Variants in ERAP1 observed in about 807,000 individuals in gnomAD.
ERAP1 encodes the protein adipocyte-derived leucine aminopeptidase.
A neutral mutation model predicts 103.7 loss-of-function variants in ERAP1; 86 were observed. The observed-to-expected ratio is 0.83, with a 90% CI of 0.70 to 0.99. The LOEUF (loss-of-function observed/expected upper bound fraction) is 0.99. Among genes scored for constraint, ERAP1 ranks in the 50% least tolerant of loss-of-function variants. ERAP1 has a pLI of 0.00. For missense variants in ERAP1, 1,009 were observed against 1,128.4 expected (o/e 0.89, Z 1.52); for synonymous variants, 398 against 402.4 (o/e 0.99, Z 0.13).
At chr5:96,819,379 T>G in the ERAP1 span, among the ~76,000 whole-genome samples, 1 of 152,174 alleles carries the variant, frequency 6.6e-6, no homozygotes, top group Admixed American at 6.5e-5. Context: ...CAGACAATCA[T>G]CAGCGGTGTA....
At chr5:96,835,014 G>A in the ERAP1 span, among the ~76,000 whole-genome samples, 24 of 152,080 alleles carry the variant, frequency 1.6e-4, no homozygotes, top group African/African-American at 5.3e-4. Context: ...CCAGGATGAG[G>A]GCCTTTAGTA....
the ERAP1 span, chr5:96,892,242 A>T: frequency 1.3e-6 from 2 of 1,578,550 alleles, no homozygotes; most frequent in Non-Finnish European, 1.7e-6. Context: ...CAGAGAGCAA[A>T]TTCTATTTCT....
At chr5:96,796,446 C>T (rs1777352569) in intron 4 of ERAP1, among the ~76,000 whole-genome samples, 1 of 152,214 alleles carries the variant, frequency 6.6e-6, no homozygotes, top group African/African-American at 2.4e-5. Context: ...ATCTTCCTTA[C>T]CATAGCCAGA....
At chr5:96,782,007 AAT>A (rs1491507597) in intron 15 of ERAP1, among the ~76,000 whole-genome samples, 153 bp from the exon 16 acceptor site, 13 of 118,696 alleles carry the variant, frequency 1.1e-4, no homozygotes, top group Admixed American at 2.7e-4. Flanking sequence ...CTTCAGTTAC[AAT>A]TTTTTTTTTT....
At chr5:96,866,603 C>T in the ERAP1 span, among the ~76,000 whole-genome samples, 49 of 152,272 alleles carry the variant, frequency 3.2e-4, no homozygotes, top group African/African-American at 1.2e-3. Flanking sequence ...CAATGTCATT[C>T]CCGCAGCTAT....
At chr5:96,932,601 G>A in the ERAP1 span, among the ~76,000 whole-genome samples, 1 of 152,296 alleles carries the variant, frequency 6.6e-6, no homozygotes, top group Non-Finnish European at 1.5e-5. Flanking sequence ...GTCCATGTCT[G>A]CTCGTGGATT....
the ERAP1 span, among the ~76,000 whole-genome samples, chr5:96,891,450 TAC>T: frequency 1.5e-3 from 220 of 148,692 alleles, no homozygotes; most frequent in East Asian, 6.5e-3. Context: ...TATATGTATA[TAC>T]ACACACACAC....
intron 2 of ERAP1, among the ~76,000 whole-genome samples, chr5:96,803,104 C>T (rs1429341300): frequency 6.6e-6 from 1 of 152,090 alleles, no homozygotes; most frequent in Non-Finnish European, 1.5e-5. Context: ...CCCTAGGAAA[C>T]TAATACACAG....
At chr5:96,801,168 A>C (rs1397684018) in intron 2 of ERAP1, among the ~76,000 whole-genome samples, 168 bp from the exon 3 acceptor site, 1 of 152,238 alleles carries the variant, frequency 6.6e-6, no homozygotes, top group African/African-American at 2.4e-5. Flanking sequence ...GACGAGTTAC[A>C]CTGGGCATGG....
the ERAP1 span, chr5:96,873,381 G>C: frequency 2.2e-6 from 1 of 456,232 alleles, no homozygotes; most frequent in South Asian, 1.5e-5. Flanking sequence ...TTGATAATCT[G>C]AGGAAGAAAA....
At chr5:96,765,956 T>C in intron 19 of ERAP1, 1 of 741,152 alleles carries the variant, frequency 1.3e-6, no homozygotes, top group Non-Finnish European at 2.4e-6. Context: ...TTTTGCCTCA[T>C]GAAAGTACAA....
At chr5:96,881,255 CAATT>C in the ERAP1 span, 2 of 371,214 alleles carry the variant, frequency 5.4e-6, no homozygotes, top group South Asian at 4.0e-5. Context: ...GCAGAGTAAT[CAATT>C]GGGAGGTCAT....
intron 19 of ERAP1, among the ~76,000 whole-genome samples, chr5:96,764,179 A>AT (rs1768993737): frequency 1.3e-5 from 2 of 152,152 alleles, no homozygotes; most frequent in South Asian, 4.1e-4. Context: ...AAAAATATGG[A>AT]TTTTGCTATA....
chr5:96,931,064 G>A, the ERAP1 span, among the ~76,000 whole-genome samples: 2 of 152,168 alleles, frequency 1.3e-5, no homozygotes, highest in African/African-American at 4.8e-5. Context: ...GGCAGCCAGA[G>A]GCAACAAGGC....
the ERAP1 span, chr5:96,879,780 T>A: frequency 5.6e-6 from 9 of 1,614,060 alleles, no homozygotes; most frequent in Non-Finnish European, 7.6e-6. Flanking sequence ...TTGCCCCAAA[T>A]ATGCATTTGT....
the ERAP1 span, among the ~76,000 whole-genome samples, chr5:96,820,336 T>C: frequency 6.6e-6 from 1 of 152,126 alleles, no homozygotes. Context: ...AGCAAGAATA[T>C]GCAGGGTGCT....
chr5:96,768,514 T>C (rs570967537), intron 19 of ERAP1: 22 of 397,752 alleles, frequency 5.5e-5, no homozygotes, highest in Non-Finnish European at 1.0e-4. Context: ...TTTTTTTCTA[T>C]ATGTATATTT....
At chr5:96,763,032 TTATAAAGGGA>T in exon 20 of ERAP1, 3 of 719,070 alleles carry the variant, frequency 4.2e-6, no homozygotes, top group Non-Finnish European at 7.7e-6. Flanking sequence ...GCACATCAAA[TTATAAAGGGA>T]TTGCCCTAAA....
chr5:96,894,454 T>C, the ERAP1 span, among the ~76,000 whole-genome samples: 6 of 152,188 alleles, frequency 3.9e-5, no homozygotes, highest in African/African-American at 1.4e-4. Context: ...CTTAGAATCT[T>C]ATTGTTGAAG....
Sources: gnomAD v4.1 joint callset for allele counts (sites outside exome capture counted in the v4.1 genomes callset) on GRCh38, gnomAD v4.1.1 for gene constraint, MANE v1.5 for transcripts, NCBI Gene and HGNC (gene_info 2026-07-23, HGNC 2026-07-21) for gene names.